The following C1QTNF7 variants were observed in gnomAD, a reference collection of about 807,000 sequenced individuals.
C1QTNF7 encodes C1q and TNF related 7.
In C1QTNF7, 15 loss-of-function variants were observed where a neutral mutation model predicts 19.6. The observed-to-expected ratio is 0.76, with a 90% confidence interval of 0.51 to 1.18. C1QTNF7 has a LOEUF of 1.18. Among genes scored for constraint, C1QTNF7 ranks in the 50% most tolerant of loss-of-function variants. The pLI is 0.00. For synonymous variants in C1QTNF7, 142 were observed against 137.5 expected (o/e 1.03, Z -0.23); for missense variants, 324 against 359.7 (o/e 0.90, Z 0.80).
chr4:15,427,370 ACGACTAGTCATATG>A (rs1712097965), upstream of C1QTNF7, among the ~76,000 whole-genome samples: 1 of 152,212 alleles, frequency 6.6e-6, no homozygotes, highest in African/African-American at 2.4e-5. Flanking sequence ...TGCACCATAG[ACGACTAGTCATATG>A]CTTTGGAGAA....
At chr4:15,340,742 T>A (rs573903514) in intron 1 of C1QTNF7, among the ~76,000 whole-genome samples, 2 of 152,312 alleles carry the variant, frequency 1.3e-5, no homozygotes, top group East Asian at 3.9e-4. Flanking sequence ...TCTTTTCCCT[T>A]GTAATTGACA....
intron 1 of C1QTNF7, among the ~76,000 whole-genome samples, chr4:15,349,990 T>A (rs910010201): frequency 2.7e-5 from 4 of 149,542 alleles, no homozygotes; most frequent in Non-Finnish European, 5.9e-5. Context: ...AGCTGGATGG[T>A]TTATAGGAGA....
In C1QTNF7 at chr4:15,442,987, A is replaced by G. The variant is rs1472228712; in HGVS notation, c.*188A>G. The G allele has an allele frequency of 3.9e-6, 2 of 508,768 alleles. No homozygotes were observed. The highest frequency in any genetic ancestry group is 6.6e-6 in the Non-Finnish European group (2 of 302,212). 31.5% of individuals were successfully genotyped at this position (508,768 alleles called of 1,614,324 possible). The stretch of plus-strand genomic sequence containing the variant: ...AAACCACAACAAAATGAATTCTATT[A>G]AAGAATAGCCCCAGATATAAATTCT... On this transcript the variant is annotated 3_prime_UTR_variant, in exon 3 of 3. Transcript: ENST00000444304.
Position 15,438,832 on chromosome 4 carries a change from G to T in C1QTNF7, c.238+2851G>T, listed in dbSNP as rs111636774. On this transcript the variant is annotated intron_variant, in intron 2 of 2. Coordinates refer to ENST00000444304, the MANE Select transcript of C1QTNF7 (RefSeq NM_031911.5). ...TCGGGCATTACATGAGTAATGCCCA[G>T]GTTTCACTTAGCCCCTAGTCCATGA... Among the ~76,000 whole-genome samples the T allele has an allele frequency of 8.7e-4, 132 of 152,312 alleles. 1 individual carries two copies. Among genetic ancestry groups the T allele is most frequent in the African/African-American group, 3.1e-3 (127 of 41,578 alleles).
chr4:15,421,388 A>G (rs766705576), intron 1 of C1QTNF7, among the ~76,000 whole-genome samples: 4 of 152,092 alleles, frequency 2.6e-5, no homozygotes, highest in Non-Finnish European at 5.9e-5. Flanking sequence ...GGTGCAAACA[A>G]GAGGAGCATA....
Position 15,436,563 on chromosome 4 carries a change from C to T in C1QTNF7, c.238+582C>T, listed in dbSNP as rs1712546178. 2.0e-5 allele frequency among the ~76,000 whole-genome samples: 3 copies of T among 152,320 alleles called. No homozygotes were observed. In the South Asian group the frequency reaches 6.2e-4, roughly 32 times the overall value. On this transcript the variant is annotated intron_variant, in intron 2 of 2. Coordinates refer to ENST00000444304, the MANE Select transcript of C1QTNF7 (RefSeq NM_031911.5). The stretch of plus-strand genomic sequence containing the variant: ...GCACTGTAAAGCCTACCTTTCCTAG[C>T]TCATCACTTTCCCACCTGACACATA...
intron 2 of C1QTNF7, among the ~76,000 whole-genome samples, chr4:15,436,873 T>G (rs1172236520): frequency 6.6e-6 from 1 of 152,226 alleles, no homozygotes; most frequent in Admixed American, 6.5e-5. Context: ...CACACCTGAT[T>G]TACTGGAGTT....
intron 1 of C1QTNF7, among the ~76,000 whole-genome samples, chr4:15,432,473 G>C (rs1015911133): frequency 3.3e-5 from 5 of 152,188 alleles, no homozygotes; most frequent in Non-Finnish European, 5.9e-5. Context: ...TCTGCTCACT[G>C]CAACTTCCAC....
In C1QTNF7 at chr4:15,360,972, T is replaced by A. The variant is rs75403529; in HGVS notation, c.13+20765T>A. On this transcript the variant is annotated intron_variant, in intron 1 of 2. Transcript: ENST00000295297. ...CCTATAAGAGGACACCATAGTAACC[T>A]CTGTACAATTGATTGAATTTAAGGA... Among the ~76,000 whole-genome samples the A allele has an allele frequency of 6.6e-4, 101 of 152,298 alleles. No individual in the cohort carries two copies. In the East Asian group the frequency reaches 0.014, roughly 20 times the overall value.
At chr4:15,385,656 T>C (rs1222706076) in intron 1 of C1QTNF7, among the ~76,000 whole-genome samples, 1 of 152,152 alleles carries the variant, frequency 6.6e-6, no homozygotes, top group East Asian at 1.9e-4. Flanking sequence ...GAAGAGTGAC[T>C]GACAGATCTG....
chr4:15,385,966 GT>G, intron 1 of C1QTNF7, among the ~76,000 whole-genome samples: 1 of 152,336 alleles, frequency 6.6e-6, no homozygotes. Flanking sequence ...ACTAAGGACA[GT>G]TCTATTTGTA....
intron 1 of C1QTNF7, among the ~76,000 whole-genome samples, chr4:15,363,350 G>C: frequency 6.6e-6 from 1 of 152,102 alleles, no homozygotes; most frequent in Non-Finnish European, 1.5e-5. Flanking sequence ...AAACTTTGTG[G>C]TCATAAGAGA....
At chr4:15,432,321 C>T (rs915336068) in intron 1 of C1QTNF7, among the ~76,000 whole-genome samples, 14 of 152,230 alleles carry the variant, frequency 9.2e-5, no homozygotes, top group South Asian at 4.1e-4. Flanking sequence ...CTTGCATCAA[C>T]TGAATCCCAG....
intron 1 of C1QTNF7, among the ~76,000 whole-genome samples, chr4:15,415,425 G>A (rs1719566675): frequency 6.6e-6 from 1 of 152,164 alleles, no homozygotes; most frequent in Non-Finnish European, 1.5e-5. Context: ...AGTAGAGCAA[G>A]TTTGTTTTGT....
chr4:15,369,139 T>C (rs538000401), intron 1 of C1QTNF7, among the ~76,000 whole-genome samples: 1 of 152,336 alleles, frequency 6.6e-6, no homozygotes, highest in South Asian at 2.1e-4. Flanking sequence ...TTTTGATCGC[T>C]TGTGGTTAGT....
rs182557425 is a variant in C1QTNF7 at position 15,385,646 on chromosome 4, G to A, written c.13+45439G>A. On this transcript the variant is annotated intron_variant, in intron 1 of 2. Transcript: ENST00000295297. ...GGAAGCTACTGCAGGGTTTTCAACA[G>A]AAGAGTGACTGACAGATCTGAAAGT... 8.3e-4 allele frequency among the ~76,000 whole-genome samples: 127 copies of A among 152,274 alleles called. 1 individual carries two copies. Among genetic ancestry groups the A allele is most frequent in the Non-Finnish European group, 1.5e-3 (102 of 68,012 alleles).
At chr4:15,403,437 G>C (rs900007452) in intron 1 of C1QTNF7, among the ~76,000 whole-genome samples, 2 of 152,160 alleles carry the variant, frequency 1.3e-5, no homozygotes, top group African/African-American at 4.8e-5. Flanking sequence ...CCTTCTGGAG[G>C]CTCTGCAAGG....
At chr4:15,365,674 G>A (rs1189376913) in intron 1 of C1QTNF7, among the ~76,000 whole-genome samples, 1 of 152,126 alleles carries the variant, frequency 6.6e-6, no homozygotes, top group Non-Finnish European at 1.5e-5. Context: ...GGGCTCAAAA[G>A]ATGCTTCAAG....
intron 1 of C1QTNF7, chr4:15,358,664 T>A (rs894710982): frequency 6.6e-6 from 1 of 152,192 alleles, no homozygotes; most frequent in African/African-American, 2.4e-5. Flanking sequence ...ATGTTTTTTA[T>A]GTAACTTGAA....
Sources: gnomAD v4.1 joint callset for allele counts (sites outside exome capture counted in the v4.1 genomes callset) on GRCh38, gnomAD v4.1.1 for gene constraint, MANE v1.5 for transcripts, NCBI Gene and HGNC (gene_info 2026-07-23, HGNC 2026-07-21) for gene names.